CDC14B: variants seen among roughly 807,000 people sequenced by gnomAD.
CDC14B encodes the protein dual specificity protein phosphatase CDC14B.
In CDC14B, 22 loss-of-function variants were observed where a neutral mutation model predicts 64.2. That is an observed-to-expected ratio of 0.34 (90% CI 0.24 to 0.49). CDC14B has a LOEUF of 0.49. Among genes scored for constraint, CDC14B ranks in the 20% least tolerant of loss-of-function variants. CDC14B has a pLI of 0.99. For synonymous variants in CDC14B, 191 were observed against 215.8 expected (o/e 0.89, Z 1.01); for missense variants, 498 against 629.9 (o/e 0.79, Z 2.24).
intron 9 of CDC14B, 83 bp from the exon 10 acceptor site, chr9:96,523,808 G>A: frequency 7.2e-7 from 1 of 1,382,456 alleles, no homozygotes; most frequent in Non-Finnish European, 1.0e-6. Flanking sequence ...TTTTTTAAAA[G>A]GCTTCTCATG....
exon 14 of CDC14B, chr9:96,491,738 T>A (rs1049262478): frequency 1.3e-5 from 2 of 152,162 alleles, no homozygotes; most frequent in African/African-American, 4.8e-5. Context: ...CAGCACTTGG[T>A]TTAATGTTGC....
intron 4 of CDC14B, among the ~76,000 whole-genome samples, chr9:96,555,337 T>C (rs1331121613): frequency 1.3e-5 from 2 of 152,210 alleles, no homozygotes; most frequent in South Asian, 2.1e-4. Flanking sequence ...CCACGTGGTA[T>C]GGAAGAGAGG....
chr9:96,503,935 G>A, intron 13 of CDC14B, 146 bp from the exon 14 acceptor site: 1 of 632,280 alleles, frequency 1.6e-6, no homozygotes, highest in South Asian at 2.1e-5. Context: ...CAAATACTTT[G>A]GAGAAGACAA....
intron 1 of CDC14B, among the ~76,000 whole-genome samples, chr9:96,588,430 T>C (rs1204299622): frequency 1.3e-5 from 2 of 152,194 alleles, no homozygotes; most frequent in African/African-American, 4.8e-5. Flanking sequence ...TTTCCCAAAT[T>C]GACATTAAAA....
Position 96,558,875 on chromosome 9 carries a change from T to A in CDC14B, c.420+3818A>T, listed in dbSNP as rs1249567946. On this transcript the variant is annotated intron_variant, in intron 4 of 13. Transcript: ENST00000375241. Reference sequence around the variant, plus strand: ...AAGCTCAAGTCATCTTTTATATTTTTCAACTCTTACAGTGGTGCAAAAGAT... The same window carrying A: ...AAGCTCAAGTCATCTTTTATATTTTACAACTCTTACAGTGGTGCAAAAGAT... Among the ~76,000 whole-genome samples the A allele has an allele frequency of 2.0e-5, 3 of 152,240 alleles. No individual in the cohort carries two copies. In the East Asian group the frequency reaches 5.8e-4, roughly 29 times the overall value.
rs565982587 is a variant in CDC14B at position 96,619,094 on chromosome 9, G to C, written c.160+125C>G. Reference sequence around the variant, plus strand: ...GGGTGTGGCGGCCGGGGCGTTTAAGGGGGTGGGGGCGAAGGCATTTCGGCC... The same window carrying C: ...GGGTGTGGCGGCCGGGGCGTTTAAGCGGGTGGGGGCGAAGGCATTTCGGCC... On this transcript the variant is annotated intron_variant, in intron 1 of 13. Coordinates refer to ENST00000375241, the MANE Select transcript of CDC14B (RefSeq NM_033331.4). The C allele has an allele frequency of 2.6e-3, 1,773 of 690,124 alleles. 8 individuals carry two copies. Among genetic ancestry groups the C allele is most frequent in the Non-Finnish European group, 1.9e-3 (980 of 503,756 alleles). The allele number at this position is 690,124 out of a possible 1,614,324, so 42.8% of individuals were successfully genotyped here. A position where few individuals can be genotyped will look rare whatever the true frequency, so the allele number is the denominator to read the frequency against.
In CDC14B at chr9:96,503,463, G is replaced by C. The variant is rs1255058405; in HGVS notation, c.*290C>G. 1 of 420,540 alleles carries C rather than the reference G, an allele frequency of 2.4e-6. No homozygotes were observed. Among genetic ancestry groups the C allele is most frequent in the African/African-American group, 2.1e-5 (1 of 48,482 alleles). The allele number at this position is 420,540 out of a possible 1,614,324, so 26.1% of individuals were successfully genotyped here. A position where few individuals can be genotyped will look rare whatever the true frequency, so the allele number is the denominator to read the frequency against. On this transcript the variant is annotated 3_prime_UTR_variant, in exon 14 of 14. Transcript: ENST00000375241. The stretch of plus-strand genomic sequence containing the variant: ...AGGGACACACATGCACCACAGACCA[G>C]CCAGCTCCCTGGGTACCAGAGGGCT...
chr9:96,592,683 G>C lies in CDC14B; in HGVS notation c.160+26536C>G, dbSNP rs1451881332. Among the ~76,000 whole-genome samples the C allele has an allele frequency of 3.3e-5, 5 of 152,122 alleles. No homozygotes were observed. In the South Asian group the frequency reaches 6.2e-4, roughly 19 times the overall value. Reference sequence around the variant, plus strand: ...AGCTACTCAGGAGGCTGAGGCAGGAGAATCACTTGAACCTGGGAGGTGGAG... The same window carrying C: ...AGCTACTCAGGAGGCTGAGGCAGGACAATCACTTGAACCTGGGAGGTGGAG... On this transcript the variant is annotated intron_variant, in intron 1 of 13. Coordinates refer to ENST00000375241, the MANE Select transcript of CDC14B (RefSeq NM_033331.4).
In CDC14B at chr9:96,539,132, C is replaced by A; in HGVS notation, c.573G>T (p.Gln191His). 6.2e-7 allele frequency: 1 copy of A among 1,602,428 alleles called. No individual in the cohort carries two copies. The highest frequency in any genetic ancestry group is 8.5e-7 in the Non-Finnish European group (1 of 1,169,704). ...DCFHAVKKAM[Q>H]YGFLNFNSFN... ...ATGAGTTGAAATTAAGGAAGCCATA[C>A]TGCATTGCCTAAAATCCAAAAGAAA... Residue 191 changes from glutamine (Q) to histidine (H), a missense_variant, in exon 7 of 14, where the codon CAG (glutamine) becomes CAT (histidine). Transcript: ENST00000375241.
chr9:96,532,002 T>C (rs1210202007), intron 9 of CDC14B, among the ~76,000 whole-genome samples: 2 of 152,218 alleles, frequency 1.3e-5, no homozygotes, highest in Admixed American at 6.5e-5. Context: ...GATGTTATTA[T>C]ATCCAAGGTT....
chr9:96,527,290 T>G (rs1308490796), intron 9 of CDC14B, among the ~76,000 whole-genome samples: 1 of 152,056 alleles, frequency 6.6e-6, no homozygotes, highest in Non-Finnish European at 1.5e-5. Context: ...TCCCAGCTAC[T>G]GGGGAGGCTG....
Position 96,619,225 on chromosome 9 carries a change from T to C in CDC14B, c.154A>G (p.Ile52Val), listed in dbSNP as rs1046220766. Residue 52 changes from isoleucine (I) to valine (V), a missense_variant, in exon 1 of 14, where the codon ATC (isoleucine) becomes GTC (valine). Physicochemically the swap from Ile to Val is conservative, Grantham distance 29. Coordinates refer to ENST00000375241, the MANE Select transcript of CDC14B (RefSeq NM_033331.4). The part of the protein sequence containing the change: ...RDPQDDVYLD[I>V]TDRLCFAILY... ...CGCCCACTGGCCGGCTCACCGGTGA[T>C]GTCCAGGTACACGTCGTCCTGGGGG... 115 of 1,324,660 alleles carry C rather than the reference T, an allele frequency of 8.7e-5. No individual in the cohort carries two copies. Among genetic ancestry groups the C allele is most frequent in the Non-Finnish European group, 1.0e-4 (106 of 1,033,268 alleles). 82.1% of individuals were successfully genotyped at this position (1,324,660 alleles called of 1,614,324 possible). A position where few individuals can be genotyped will look rare whatever the true frequency, so the allele number is the denominator to read the frequency against.
intron 1 of CDC14B, among the ~76,000 whole-genome samples, chr9:96,592,528 C>G (rs1845848519): frequency 6.6e-6 from 1 of 152,138 alleles, no homozygotes; most frequent in African/African-American, 2.4e-5. Context: ...GTAATCCCAG[C>G]AATTTGGGAG....
intron 4 of CDC14B, among the ~76,000 whole-genome samples, chr9:96,560,529 C>A (rs950172926): frequency 3.3e-5 from 5 of 151,996 alleles, no homozygotes; most frequent in African/African-American, 1.2e-4. Flanking sequence ...TTAAAACACC[C>A]ACTTCTCCAT....
chr9:96,575,806 G>A (rs1168590755), intron 1 of CDC14B, among the ~76,000 whole-genome samples: 3 of 152,090 alleles, frequency 2.0e-5, no homozygotes, highest in Non-Finnish European at 4.4e-5. Context: ...ACAAGAAAGT[G>A]AGATACCATC....
rs1185893256 is a variant in CDC14B, at chr9:96,534,209, C to T, written c.716-52G>A. The stretch of plus-strand genomic sequence containing the variant: ...ATAAAACACATAAAGAAAACAATGG[C>T]TAATAGTTTCACCTGTAACTGAACG... On this transcript the variant is annotated intron_variant, in intron 8 of 13. Coordinates refer to ENST00000375241, the MANE Select transcript of CDC14B (RefSeq NM_033331.4). 6.3e-6 allele frequency: 7 copies of T among 1,110,640 alleles called. No individual in the cohort carries two copies. In the South Asian group the frequency reaches 7.5e-5, roughly 12 times the overall value. The allele number at this position is 1,110,640 out of a possible 1,614,324, so 68.8% of individuals were successfully genotyped here.
intron 4 of CDC14B, 90 bp downstream of exon 4, chr9:96,562,603 C>T (rs1277929346): frequency 9.3e-6 from 8 of 863,460 alleles, no homozygotes; most frequent in Non-Finnish European, 1.4e-5. Flanking sequence ...GAAATCAAGA[C>T]ATTATCTTGA....
chr9:96,562,236 G>A (rs1843309021), intron 4 of CDC14B, among the ~76,000 whole-genome samples: 1 of 151,832 alleles, frequency 6.6e-6, no homozygotes, highest in African/African-American at 2.4e-5. Context: ...CTTAATTAGG[G>A]GAAAAATGCC....
At chr9:96,530,007 C>T (rs542283997) in intron 9 of CDC14B, among the ~76,000 whole-genome samples, 6 of 152,310 alleles carry the variant, frequency 3.9e-5, no homozygotes, top group South Asian at 2.1e-4. Context: ...TCACCCAGTG[C>T]ACAAATGTGA....
Sources: allele counts gnomAD v4.1 joint callset (sites outside exome capture counted in the v4.1 genomes callset), GRCh38; gene constraint gnomAD v4.1.1; transcripts MANE v1.5; gene names NCBI Gene and HGNC (gene_info 2026-07-23, HGNC 2026-07-21).